CDK5RAP2: variants seen among roughly 807,000 people sequenced by gnomAD.
CDK5RAP2 encodes the protein CDK5 regulatory subunit associated protein 2, also known as CDK5 regulatory subunit-associated protein 2.
A neutral mutation model predicts 232.9 loss-of-function variants in CDK5RAP2; 147 were observed. The ratio of observed to expected loss-of-function variants is 0.63; its 90% CI spans 0.55 to 0.72. The LOEUF (loss-of-function observed/expected upper bound fraction) is 0.72. Ranked by LOEUF, CDK5RAP2 falls within the 30% of genes least tolerant of loss-of-function variation. CDK5RAP2 has a pLI of 0.00. For missense variants in CDK5RAP2, 2,195 were observed against 2,231.5 expected (o/e 0.98, Z 0.33); for synonymous variants, 833 against 833.7 (o/e 1.00, Z 0.01).
chr9:120,416,905 T>C (rs957288397), intron 27 of CDK5RAP2, among the ~76,000 whole-genome samples: 7 of 152,252 alleles, frequency 4.6e-5, no homozygotes, highest in African/African-American at 9.6e-5. Context: ...AATTAAATAG[T>C]AATTTTACCA....
At chr9:120,472,792 T>C (rs78477616) in intron 15 of CDK5RAP2, among the ~76,000 whole-genome samples, 2,574 of 152,296 alleles carry the variant, frequency 0.017, 76 homozygotes, top group African/African-American at 0.058. Flanking sequence ...ACCTGTCCAA[T>C]AGAACTTTCT....
In CDK5RAP2 at chr9:120,402,979, G is replaced by A; in HGVS notation, c.5134C>T (p.Leu1712=). The A allele has an allele frequency of 6.2e-7, 1 of 1,614,214 alleles. No homozygotes were observed. The highest frequency in any genetic ancestry group is 8.5e-7 in the Non-Finnish European group (1 of 1,180,044). ...SATSTPCVSR[L]VTGHHLWASK... The stretch of plus-strand genomic sequence containing the variant: ...GCCCACAGGTGGTGGCCAGTGACCA[G>A]GCGGGACACACACGGAGTGCTAGTT... The change falls in exon 34 of 38, where the codon CTG becomes TTG. Residue 1712 remains leucine (L), a synonymous_variant. Coordinates refer to ENST00000349780, the MANE Select transcript of CDK5RAP2 (RefSeq NM_018249.6).
At chr9:120,550,693 T>C (rs917054697) in intron 4 of CDK5RAP2, 99 bp downstream of exon 4, 12 of 797,920 alleles carry the variant, frequency 1.5e-5, no homozygotes, top group Non-Finnish European at 2.7e-5. Flanking sequence ...AAAGCATCTC[T>C]ATTCATACTA....
rs771672551 is a variant in CDK5RAP2, at chr9:120,527,804, A to G, written c.999+2T>C. On this transcript the variant is annotated splice_donor_variant, in intron 10 of 37. Coordinates refer to ENST00000349780, the MANE Select transcript of CDK5RAP2 (RefSeq NM_018249.6). LOFTEE classifies it high-confidence loss of function. Reference sequence around the variant, plus strand: ...ATCTTACTTCAAGTGTATCAGACATACCTTTTTTTCCTTTGATTTTAATGC... The same window carrying G: ...ATCTTACTTCAAGTGTATCAGACATGCCTTTTTTTCCTTTGATTTTAATGC... 1 of 1,613,266 alleles carries G rather than the reference A, an allele frequency of 6.2e-7. No individual in the cohort carries two copies. Among genetic ancestry groups the G allele is most frequent in the Non-Finnish European group, 8.5e-7 (1 of 1,179,930 alleles).
intron 23 of CDK5RAP2, chr9:120,440,394 G>A (rs910852497): frequency 1.1e-4 from 27 of 248,470 alleles, no homozygotes; most frequent in Middle Eastern, 1.5e-3. Context: ...TGCACATTGC[G>A]TGCTGTGTCA....
chr9:120,486,779 T>C (rs1388365056), intron 14 of CDK5RAP2, among the ~76,000 whole-genome samples: 3 of 152,086 alleles, frequency 2.0e-5, no homozygotes, highest in Non-Finnish European at 4.4e-5. Context: ...TGCAGAGATG[T>C]TCAGGAGTTA....
chr9:120,460,004 T>A (rs889424370), intron 19 of CDK5RAP2, among the ~76,000 whole-genome samples: 2 of 152,166 alleles, frequency 1.3e-5, no homozygotes, highest in African/African-American at 4.8e-5. Flanking sequence ...AGTATCAATG[T>A]GATTGGAAGA....
chr9:120,525,174 A>C, intron 10 of CDK5RAP2, 96 bp from the exon 11 acceptor site: 1 of 938,960 alleles, frequency 1.1e-6, no homozygotes, highest in Non-Finnish European at 1.7e-6. Context: ...TCGTGCTTAT[A>C]ATCAAGGGCT....
At chr9:120,391,732 A>G (rs1229754063) in intron 36 of CDK5RAP2, among the ~76,000 whole-genome samples, 1 of 152,204 alleles carries the variant, frequency 6.6e-6, no homozygotes, top group African/African-American at 2.4e-5. Context: ...TTGACCAGGT[A>G]GCAATCAGCC....
In CDK5RAP2 at chr9:120,453,085, C is replaced by CT. The variant is rs1311096742; in HGVS notation, c.2793+370dup. ...TTTTGGGACATCTCCACAATGCAAC[C>CT]TTATGTAGCCATTACAAGGAAAGAT... On this transcript the variant is annotated intron_variant, in intron 21 of 37. Transcript: ENST00000349780. Among the ~76,000 whole-genome samples, 3 of 152,294 alleles carry CT rather than the reference C, an allele frequency of 2.0e-5. No homozygotes were observed. The East Asian group carries it at 5.8e-4, about 29-fold the overall frequency.
chr9:120,467,801 A>T lies in CDK5RAP2; in HGVS notation c.2106+59T>A, dbSNP rs75136083. 7.9e-3 allele frequency: 12,637 copies of T among 1,591,458 alleles called. 830 individuals carry two copies. The African/African-American group carries it at 0.14, about 18-fold the overall frequency. On this transcript the variant is annotated intron_variant, in intron 18 of 37. Transcript: ENST00000349780. ...GCTGGGATTACAGGCGTGAGCCACC[A>T]TACCAAGCCGGTTGTTATATTTTTG...
chr9:120,392,571 G>C (rs1274233199), intron 36 of CDK5RAP2, among the ~76,000 whole-genome samples: 1 of 152,188 alleles, frequency 6.6e-6, no homozygotes, highest in Non-Finnish European at 1.5e-5. Context: ...TGCCAATGCA[G>C]AGAGTTCTGC....
chr9:120,578,849 G>A (rs1243821606), intron 1 of CDK5RAP2, among the ~76,000 whole-genome samples: 1 of 152,158 alleles, frequency 6.6e-6, no homozygotes, highest in African/African-American at 2.4e-5. Context: ...TTACACAGGT[G>A]AGCCACCGCA....
At chr9:120,481,997 C>T (rs1291921736) in intron 14 of CDK5RAP2, among the ~76,000 whole-genome samples, 2 of 152,224 alleles carry the variant, frequency 1.3e-5, no homozygotes, top group African/African-American at 4.8e-5. Flanking sequence ...TAGCTACCAA[C>T]ATATCATCTC....
intron 12 of CDK5RAP2, among the ~76,000 whole-genome samples, chr9:120,500,030 A>G (rs955104710): frequency 2.0e-4 from 30 of 152,330 alleles, no homozygotes; most frequent in African/African-American, 7.2e-4. Context: ...TGTTTCATTT[A>G]AAGTACAGAG....
intron 18 of CDK5RAP2, among the ~76,000 whole-genome samples, chr9:120,465,109 T>C (rs1401660943): frequency 1.3e-5 from 2 of 152,342 alleles, no homozygotes; most frequent in Non-Finnish European, 2.9e-5. Context: ...TTTCTAACCA[T>C]TCTTAATAAT....
intron 35 of CDK5RAP2, among the ~76,000 whole-genome samples, chr9:120,396,573 G>T (rs1228473897): frequency 2.0e-5 from 3 of 152,228 alleles, no homozygotes; most frequent in East Asian, 3.9e-4. Context: ...GGTGCCCCGG[G>T]GCTCAGTGTC....
At chr9:120,420,381 C>T (rs1474954993) in intron 26 of CDK5RAP2, among the ~76,000 whole-genome samples, 3 of 152,186 alleles carry the variant, frequency 2.0e-5, no homozygotes, top group Non-Finnish European at 4.4e-5. Context: ...CACTGTCTCA[C>T]GGCTTGGTCA....
chr9:120,527,474 A>ATATT (rs1271177482), intron 10 of CDK5RAP2, among the ~76,000 whole-genome samples: 1 of 151,594 alleles, frequency 6.6e-6, no homozygotes, highest in African/African-American at 2.4e-5. Context: ...GACTATCTCA[A>ATATT]TATTTTTACT....
Sources: gnomAD v4.1 joint callset for allele counts (sites outside exome capture counted in the v4.1 genomes callset) on GRCh38, gnomAD v4.1.1 for gene constraint, MANE v1.5 for transcripts, NCBI Gene and HGNC (gene_info 2026-07-23, HGNC 2026-07-21) for gene names.